The following AGMO variants were observed in gnomAD, a reference collection of about 807,000 sequenced individuals.
The protein encoded by AGMO is alkylglycerol monooxygenase, also known as glyceryl-ether monooxygenase.
In AGMO, 75 loss-of-function variants were observed where a neutral mutation model predicts 60.2. The observed-to-expected ratio is 1.25, with a 90% CI of 1.03 to 1.51. The LOEUF (loss-of-function observed/expected upper bound fraction) is 1.51, where lower values mean the gene tolerates loss of function less well. Among genes scored for constraint, AGMO ranks in the 40% most tolerant of loss-of-function variants. The pLI, the probability that AGMO is intolerant of heterozygous loss-of-function variation, is 0.00. For missense variants in AGMO, 763 were observed against 525.5 expected (o/e 1.45, Z -4.42); for synonymous variants, 261 against 177.1 (o/e 1.47, Z -3.76).
intron 12 of AGMO, among the ~76,000 whole-genome samples, chr7:15,326,701 T>C (rs561662896): frequency 2.0e-5 from 3 of 152,308 alleles, no homozygotes; most frequent in South Asian, 4.1e-4. Context: ...ATAATACCTA[T>C]GAAATGGATA....
chr7:15,231,127 G>A (rs76191927), intron 12 of AGMO, among the ~76,000 whole-genome samples: 4,993 of 152,134 alleles, frequency 0.033, 297 homozygotes, highest in African/African-American at 0.11. Flanking sequence ...TTTCTGGAGT[G>A]TAACAAAATA....
At chr7:15,346,154 T>A (rs962663082) in intron 12 of AGMO, among the ~76,000 whole-genome samples, 1 of 152,144 alleles carries the variant, frequency 6.6e-6, no homozygotes, top group African/African-American at 2.4e-5. Flanking sequence ...AAAGCTATGC[T>A]TTTCAAACTG....
At chr7:15,138,333 CT>C in the AGMO span, among the ~76,000 whole-genome samples, 417 of 152,290 alleles carry the variant, frequency 2.7e-3, no homozygotes, top group African/African-American at 8.1e-3. Context: ...CGTCTCACGA[CT>C]TTACTCTCTC....
intron 12 of AGMO, among the ~76,000 whole-genome samples, chr7:15,227,089 A>G (rs1782105977): frequency 6.6e-6 from 1 of 151,962 alleles, no homozygotes; most frequent in Non-Finnish European, 1.5e-5. Flanking sequence ...CCTCGATTTT[A>G]TTGTTTTTTT....
intron 12 of AGMO, among the ~76,000 whole-genome samples, chr7:15,345,226 T>C (rs910986940): frequency 1.3e-5 from 2 of 152,226 alleles, no homozygotes; most frequent in African/African-American, 2.4e-5. Flanking sequence ...GTTTCTGATA[T>C]TATTCTTAGT....
chr7:15,136,061 TC>T, the AGMO span, among the ~76,000 whole-genome samples: 463 of 150,318 alleles, frequency 3.1e-3, no homozygotes, highest in African/African-American at 0.011. Context: ...TGGTGTGATC[TC>T]AGTTTACTGC....
chr7:15,266,604 C>T (rs919617551), intron 12 of AGMO, among the ~76,000 whole-genome samples: 14 of 151,734 alleles, frequency 9.2e-5, no homozygotes, highest in African/African-American at 2.9e-4. Flanking sequence ...CTCGGGTGCC[C>T]ACAGTATCAG....
chr7:15,248,900 T>C (rs1184740569), intron 12 of AGMO, among the ~76,000 whole-genome samples: 1 of 152,228 alleles, frequency 6.6e-6, no homozygotes, highest in Admixed American at 6.5e-5. Context: ...CGTCCTATTT[T>C]ACTCTCTGAT....
chr7:15,538,719 T>C (rs1007611322), intron 3 of AGMO, among the ~76,000 whole-genome samples: 2 of 152,180 alleles, frequency 1.3e-5, no homozygotes, highest in Non-Finnish European at 2.9e-5. Flanking sequence ...CAGCAATACG[T>C]CTGTTTATTT....
chr7:15,248,251 ATAAT>A (rs1782826322), intron 12 of AGMO, among the ~76,000 whole-genome samples: 1 of 121,632 alleles, frequency 8.2e-6, no homozygotes, highest in East Asian at 2.6e-4. Flanking sequence ...TAGTCTAAAA[ATAAT>A]TATTTTCTTT....
chr7:15,387,353 C>G (rs1419716293), intron 9 of AGMO, 53 bp downstream of exon 9: 8 of 1,588,672 alleles, frequency 5.0e-6, no homozygotes, highest in Non-Finnish European at 6.9e-6. Context: ...TGGCTGTAGA[C>G]CTGACAATAT....
intron 12 of AGMO, among the ~76,000 whole-genome samples, chr7:15,302,728 T>G (rs935596634): frequency 6.6e-5 from 10 of 152,148 alleles, no homozygotes; most frequent in Non-Finnish European, 1.2e-4. Flanking sequence ...GCCTTTTTGT[T>G]TTGTTTTGTT....
intron 10 of AGMO, among the ~76,000 whole-genome samples, chr7:15,367,825 G>A (rs1783045536): frequency 6.6e-6 from 1 of 151,944 alleles, no homozygotes; most frequent in Admixed American, 6.6e-5. Flanking sequence ...AAAACATTAT[G>A]CAAGCACTCT....
chr7:15,339,765 T>G (rs1011565656), intron 12 of AGMO, among the ~76,000 whole-genome samples: 8 of 152,114 alleles, frequency 5.3e-5, no homozygotes, highest in African/African-American at 1.9e-4. Context: ...CCCCAAAAGT[T>G]CCTGTGTTCA....
At chr7:15,458,669 C>T (rs1329830689) in intron 3 of AGMO, among the ~76,000 whole-genome samples, 1 of 152,170 alleles carries the variant, frequency 6.6e-6, no homozygotes, top group African/African-American at 2.4e-5. Context: ...AGTACTTTCA[C>T]ATACATCGCC....
intron 12 of AGMO, among the ~76,000 whole-genome samples, chr7:15,205,039 G>T (rs115171930): frequency 6.6e-6 from 1 of 152,204 alleles, no homozygotes; most frequent in African/African-American, 2.4e-5. Flanking sequence ...TAATGAAGAG[G>T]AAATCAAGCA....
At chr7:15,152,172 GGTTTA>G in the AGMO span, among the ~76,000 whole-genome samples, 1 of 151,890 alleles carries the variant, frequency 6.6e-6, no homozygotes, top group Non-Finnish European at 1.5e-5. Context: ...GATCATGGTT[GGTTTA>G]AAGTCTGTTT....
rs572895958 is a variant in AGMO, at chr7:15,512,616, G to A, written c.409+32156C>T. 2.4e-4 allele frequency among the ~76,000 whole-genome samples: 36 copies of A among 152,284 alleles called. No homozygotes were observed. In the East Asian group the frequency reaches 6.4e-3, roughly 27 times the overall value. On this transcript the variant is annotated intron_variant, in intron 3 of 12. Coordinates refer to ENST00000342526, the MANE Select transcript of AGMO (RefSeq NM_001004320.2). ...AACTAGAGGTTTGCCTACATATTTA[G>A]TTGAATTGACTATTTGGAGTGTCTC...
chr7:15,353,087 T>TA (rs557570007), intron 12 of AGMO, among the ~76,000 whole-genome samples: 116 of 152,194 alleles, frequency 7.6e-4, no homozygotes, highest in African/African-American at 2.7e-3. Context: ...TGATTATTTT[T>TA]AAAAAGGTGG....
Sources: gnomAD v4.1 joint callset for allele counts (sites outside exome capture counted in the v4.1 genomes callset) on GRCh38, gnomAD v4.1.1 for gene constraint, MANE v1.5 for transcripts, NCBI Gene and HGNC (gene_info 2026-07-23, HGNC 2026-07-21) for gene names.